CDH8: variants seen among roughly 807,000 people sequenced by gnomAD.
The protein encoded by CDH8 is cadherin-8.
In CDH8, 17 loss-of-function variants were observed where a neutral mutation model predicts 68.1. The observed-to-expected ratio is 0.25, with a 90% CI of 0.17 to 0.37. The LOEUF is 0.37. Ranked by LOEUF, CDH8 falls within the 10% of genes least tolerant of loss-of-function variation. The pLI is 1.00. For missense variants in CDH8, 763 were observed against 999.3 expected (o/e 0.76, Z 3.19); for synonymous variants, 372 against 365.1 (o/e 1.02, Z -0.21).
At chr16:61,950,484 G>A (rs1304179359) in intron 2 of CDH8, among the ~76,000 whole-genome samples, 1 of 152,158 alleles carries the variant, frequency 6.6e-6, no homozygotes, top group African/African-American at 2.4e-5. Flanking sequence ...ATGCGACTGG[G>A]TGTCTATCCC....
chr16:61,811,082 C>A (rs1365814269), intron 7 of CDH8, among the ~76,000 whole-genome samples: 1 of 149,508 alleles, frequency 6.7e-6, no homozygotes, highest in Non-Finnish European at 1.5e-5. Context: ...TTTGGTTTTT[C>A]TGGGGATATT....
chr16:62,007,374 T>C (rs181438550), intron 2 of CDH8, among the ~76,000 whole-genome samples: 1 of 152,306 alleles, frequency 6.6e-6, no homozygotes, highest in East Asian at 1.9e-4. Flanking sequence ...ATGTTTCACA[T>C]CTGATTTGAG....
At chr16:61,683,204 G>A (rs143241326) in intron 10 of CDH8, among the ~76,000 whole-genome samples, 2 of 151,890 alleles carry the variant, frequency 1.3e-5, no homozygotes, top group East Asian at 3.9e-4. Flanking sequence ...TTGCAGAGTT[G>A]GGCAAAATTT....
Position 61,811,743 on chromosome 16 carries a change from C to T in CDH8, c.1277+5736G>A, listed in dbSNP as rs942413493. Among the ~76,000 whole-genome samples, 7 of 152,154 alleles carry T rather than the reference C, an allele frequency of 4.6e-5. No individual in the cohort carries two copies. The East Asian group carries it at 5.8e-4, about 13-fold the overall frequency. Reference sequence around the variant, plus strand: ...TTAAAAACAAGGAGATCCTGCAATACGCAACAACATGAATGAATGTTAAGG... The same window carrying T: ...TTAAAAACAAGGAGATCCTGCAATATGCAACAACATGAATGAATGTTAAGG... On this transcript the variant is annotated intron_variant, in intron 7 of 11. Transcript: ENST00000577390.
chr16:62,021,431 G>A lies in CDH8; in HGVS notation c.-28C>T, dbSNP rs551821423. On this transcript the variant is annotated 5_prime_UTR_variant, in exon 2 of 12. Coordinates refer to ENST00000577390, the MANE Select transcript of CDH8 (RefSeq NM_001796.5). ...TCCCACCAGTTAAGCAAATCACCAC[G>A]AAAATGAGACAATTATTTTTTTTGT... 3.8e-6 allele frequency: 6 copies of A among 1,575,148 alleles called. No homozygotes were observed. Among genetic ancestry groups the A allele is most frequent in the East Asian group, 2.3e-5 (1 of 44,358 alleles).
At chr16:61,691,073 C>A (rs1191891340) in intron 10 of CDH8, among the ~76,000 whole-genome samples, 2 of 152,044 alleles carry the variant, frequency 1.3e-5, no homozygotes, top group Non-Finnish European at 2.9e-5. Context: ...TTCGAAAAGG[C>A]CTGTTTTCCC....
At chr16:61,799,284 C>T (rs1276185541) in intron 7 of CDH8, among the ~76,000 whole-genome samples, 1 of 152,102 alleles carries the variant, frequency 6.6e-6, no homozygotes, top group African/African-American at 2.4e-5. Context: ...TAATAGGTAA[C>T]AGAAGAGACA....
At chr16:62,015,632 C>T (rs973378010) in intron 2 of CDH8, among the ~76,000 whole-genome samples, 1 of 152,134 alleles carries the variant, frequency 6.6e-6, no homozygotes, top group Admixed American at 6.5e-5. Flanking sequence ...TGTGTTTCAG[C>T]GCAATGGACT....
At chr16:61,937,443 G>C (rs184096991) in intron 2 of CDH8, among the ~76,000 whole-genome samples, 1 of 152,276 alleles carries the variant, frequency 6.6e-6, no homozygotes, top group East Asian at 1.9e-4. Flanking sequence ...ATTCAATTGA[G>C]AGATTACAAG....
intron 2 of CDH8, among the ~76,000 whole-genome samples, chr16:62,010,852 A>C (rs1901791504): frequency 6.6e-6 from 1 of 151,908 alleles, no homozygotes; most frequent in Non-Finnish European, 1.5e-5. Flanking sequence ...CTGAGGCAGG[A>C]GATGCGCTTG....
At chr16:61,997,771 A>T (rs569846126) in intron 2 of CDH8, among the ~76,000 whole-genome samples, 1 of 152,300 alleles carries the variant, frequency 6.6e-6, no homozygotes, top group South Asian at 2.1e-4. Context: ...GGTTTTTGTT[A>T]AAAACGCCTA....
intron 3 of CDH8, among the ~76,000 whole-genome samples, chr16:61,873,252 A>C (rs937134858): frequency 1.3e-5 from 2 of 152,132 alleles, no homozygotes; most frequent in Non-Finnish European, 2.9e-5. Context: ...AAATAAGCCT[A>C]AATTAGGTTG....
At chr16:61,995,118 A>G (rs1965787594) in intron 2 of CDH8, among the ~76,000 whole-genome samples, 1 of 152,210 alleles carries the variant, frequency 6.6e-6, no homozygotes, top group Non-Finnish European at 1.5e-5. Context: ...TTTATTAAAG[A>G]GAGAACAGTC....
chr16:61,799,914 C>A (rs35056378), intron 7 of CDH8, among the ~76,000 whole-genome samples: 20,511 of 152,018 alleles, frequency 0.13, 1,708 homozygotes, highest in Middle Eastern at 0.2. Context: ...TTTCCCCCCC[C>A]CAAAGACAAG....
intron 5 of CDH8, among the ~76,000 whole-genome samples, chr16:61,822,379 G>A (rs1962238189): frequency 6.6e-6 from 1 of 151,174 alleles, no homozygotes; most frequent in Non-Finnish European, 1.5e-5. Context: ...AAACCAAAAA[G>A]TTTTACTCTC....
At chr16:61,931,828 A>G (rs1964544230) in intron 2 of CDH8, among the ~76,000 whole-genome samples, 1 of 152,248 alleles carries the variant, frequency 6.6e-6, no homozygotes, top group African/African-American at 2.4e-5. Context: ...CTGAAAACAT[A>G]ACACAAACAT....
At chr16:61,795,814 A>C (rs1961485162) in intron 7 of CDH8, among the ~76,000 whole-genome samples, 1 of 152,114 alleles carries the variant, frequency 6.6e-6, no homozygotes, top group South Asian at 2.1e-4. Context: ...TACTATAGGT[A>C]TCTCCATAGA....
At chr16:61,673,777 A>T (rs1963841904) in intron 10 of CDH8, among the ~76,000 whole-genome samples, 1 of 152,140 alleles carries the variant, frequency 6.6e-6, no homozygotes, top group Admixed American at 6.6e-5. Context: ...GCCCAAACAG[A>T]GGATGACAGT....
chr16:61,972,212 T>A (rs1965351312), intron 2 of CDH8, among the ~76,000 whole-genome samples: 1 of 152,172 alleles, frequency 6.6e-6, no homozygotes, highest in African/African-American at 2.4e-5. Flanking sequence ...ACTTTGCTCC[T>A]CCCTTGCCCT....
Sources: allele counts gnomAD v4.1 joint callset (sites outside exome capture counted in the v4.1 genomes callset), GRCh38; gene constraint gnomAD v4.1.1; transcripts MANE v1.5; gene names NCBI Gene and HGNC (gene_info 2026-07-23, HGNC 2026-07-21).